The following TRIP12 variants were observed in gnomAD, a reference collection of about 807,000 sequenced individuals.
TRIP12 encodes thyroid hormone receptor interactor 12, also known as E3 ubiquitin-protein ligase TRIP12.
TRIP12 carries 25 observed loss-of-function variants against 244.2 expected under a neutral mutation model. The ratio of observed to expected loss-of-function variants is 0.10; its 90% confidence interval spans 0.07 to 0.14. The LOEUF is 0.14. Among genes scored for constraint, TRIP12 ranks in the 10% least tolerant of loss-of-function variants. The pLI, the probability that TRIP12 is intolerant of heterozygous loss-of-function variation, is 1.00. For missense variants in TRIP12, 1,677 were observed against 2,486.4 expected, an observed-to-expected ratio of 0.67 and a Z score of 6.92; for synonymous variants, 905 against 873.1, an observed-to-expected ratio of 1.04 and a Z score of -0.64.
At chr2:229,861,912 G>A (rs2060540425) in intron 2 of TRIP12, among the ~76,000 whole-genome samples, 2 of 151,868 alleles carry the variant, frequency 1.3e-5, no homozygotes, top group Admixed American at 6.6e-5. Flanking sequence ...CAAAACTCTA[G>A]GTGAGCCTTT....
Position 229,835,335 on chromosome 2 carries a change from G to A in TRIP12, c.1270+1513C>T, listed in dbSNP as rs576341983. ...CCTGGAACTGTTTAGAAAGGCAGTCGGATGAGCCTGATTCCTGTATGCTTT... is the reference window on the plus strand; with the variant it reads ...CCTGGAACTGTTTAGAAAGGCAGTCAGATGAGCCTGATTCCTGTATGCTTT... On this transcript the variant is annotated intron_variant, in intron 6 of 41. Transcript: ENST00000675903. Among the ~76,000 whole-genome samples the A allele has an allele frequency of 2.6e-3, 399 of 152,288 alleles. 2 individuals carry two copies. Among genetic ancestry groups the A allele is most frequent in the African/African-American group, 9.2e-3 (382 of 41,552 alleles).
chr2:229,850,911 G>A (rs369059716), intron 4 of TRIP12, among the ~76,000 whole-genome samples: 7 of 152,220 alleles, frequency 4.6e-5, no homozygotes, highest in East Asian at 1.9e-4. Context: ...CCAGACCACC[G>A]GCGCTGCACT....
intron 6 of TRIP12, among the ~76,000 whole-genome samples, chr2:229,833,413 G>T (rs2053955654): frequency 6.6e-6 from 1 of 152,086 alleles, no homozygotes; most frequent in African/African-American, 2.4e-5. Context: ...TCCGCCTCCT[G>T]AGTAGCTGGT....
chr2:229,814,404 A>G, intron 11 of TRIP12, 79 bp from the exon 12 acceptor site: 2 of 1,396,836 alleles, frequency 1.4e-6, no homozygotes, highest in Non-Finnish European at 2.0e-6. Flanking sequence ...TATTTTCTCT[A>G]ATTTACATCC....
At chr2:229,780,387 G>A (rs996407923) in intron 34 of TRIP12, among the ~76,000 whole-genome samples, 6 of 152,176 alleles carry the variant, frequency 3.9e-5, no homozygotes, top group Admixed American at 3.9e-4. Flanking sequence ...CCTCCTAGAT[G>A]GTCTCTGCAC....
chr2:229,818,373 A>C lies in TRIP12; in HGVS notation c.1590T>G (p.Val530=). Residue 530 remains valine (V), a synonymous_variant, in exon 9 of 42, where the codon GTT becomes GTG. Transcript: ENST00000675903. ...AAAACATTATGCTTACCAAAGCTGGAACAACACTCTTGACAGGAAACCCTC... is the reference window on the plus strand; with the variant it reads ...AAAACATTATGCTTACCAAAGCTGGCACAACACTCTTGACAGGAAACCCTC... ...TLGGFPVKSV[V]PALITLLQME... 2 of 1,613,802 alleles carry C rather than the reference A, an allele frequency of 1.2e-6. No individual in the cohort carries two copies. The highest frequency in any genetic ancestry group is 1.7e-6 in the Non-Finnish European group (2 of 1,179,912).
chr2:229,871,319 A>G (rs1404428031), intron 2 of TRIP12, among the ~76,000 whole-genome samples: 1 of 152,228 alleles, frequency 6.6e-6, no homozygotes, highest in Admixed American at 6.5e-5. Context: ...ATTAAAAGAC[A>G]TTAGTAATAT....
intron 20 of TRIP12, 118 bp downstream of exon 20, chr2:229,803,453 A>G: frequency 1.5e-6 from 1 of 676,498 alleles, no homozygotes; most frequent in African/African-American, 1.9e-5. Context: ...ATAAGCTAAC[A>G]GAGCTTTAAA....
rs753842954 is a variant in TRIP12, at chr2:229,840,198, CTG to C, written c.1133+622_1133+623del. ...GAAGTATATTTGGCAGACGAGAACT[CTG>C]TAAACAGTCAAAGGTCCTGCTACTG... On this transcript the variant is annotated intron_variant, in intron 5 of 41. Coordinates refer to ENST00000675903, the MANE Select transcript of TRIP12 (RefSeq NM_001348323.3). 2.6e-5 allele frequency among the ~76,000 whole-genome samples: 4 copies of C among 152,312 alleles called. No individual in the cohort carries two copies. In the East Asian group the frequency reaches 7.7e-4, roughly 29 times the overall value.
At chr2:229,894,793 G>A (rs533242273) in intron 1 of TRIP12, among the ~76,000 whole-genome samples, 8 of 152,218 alleles carry the variant, frequency 5.3e-5, no homozygotes, top group Non-Finnish European at 1.0e-4. Context: ...ATTACCTATG[G>A]ATCTTGTTAA....
chr2:229,813,896 A>G lies in TRIP12; in HGVS notation c.1960T>C (p.Leu654=). ...TGATGTGTTAGCCTTTGGGTTAGCAATGGGAGTGAATCTGCCACAAAATGA... is the reference window on the plus strand; with the variant it reads ...TGATGTGTTAGCCTTTGGGTTAGCAGTGGGAGTGAATCTGCCACAAAATGA... The part of the protein sequence containing the change: ...EFHFVADSLP[L]LTQRLTHQDK... Residue 654 remains leucine, a synonymous_variant, in exon 13 of 42, where the codon TTG becomes CTG. Transcript: ENST00000675903. 1.3e-6 allele frequency: 2 copies of G among 1,572,320 alleles called. No homozygotes were observed.
chr2:229,782,653 T>A (rs2038634633), intron 34 of TRIP12, among the ~76,000 whole-genome samples: 1 of 152,174 alleles, frequency 6.6e-6, no homozygotes, highest in Non-Finnish European at 1.5e-5. Flanking sequence ...TACTCTTAGC[T>A]TTTTAAAAGT....
chr2:229,916,219 C>T lies in TRIP12; in HGVS notation c.-50+5661G>A, dbSNP rs550777631. On this transcript the variant is annotated intron_variant, in intron 1 of 41. Coordinates refer to ENST00000675903, the MANE Select transcript of TRIP12 (RefSeq NM_001348323.3). ...TTTTTCAGATTAGGCACTTGAAGCTCACAAAGTACTAAGTTAAATTATTTG... is the reference window on the plus strand; with the variant it reads ...TTTTTCAGATTAGGCACTTGAAGCTTACAAAGTACTAAGTTAAATTATTTG... Among the ~76,000 whole-genome samples the T allele has an allele frequency of 2.6e-5, 4 of 152,288 alleles. No individual in the cohort carries two copies. In the South Asian group the frequency reaches 8.3e-4, roughly 32 times the overall value.
intron 38 of TRIP12, among the ~76,000 whole-genome samples, chr2:229,773,080 CTT>C (rs35282953): frequency 2.4e-4 from 35 of 145,708 alleles, no homozygotes; most frequent in Non-Finnish European, 2.6e-4. Context: ...TATATACATG[CTT>C]TTTTTTTTTT....
rs533585070 is a variant in TRIP12 at position 229,802,465 on chromosome 2, T to C, written c.2999-6A>G. 2 of 1,606,202 alleles carry C rather than the reference T, an allele frequency of 1.2e-6. No individual in the cohort carries two copies. The highest frequency in any genetic ancestry group is 4.5e-5 in the East Asian group (2 of 44,644). On this transcript the variant is annotated splice_region_variant and splice_polypyrimidine_tract_variant and intron_variant, in intron 20 of 41. Coordinates refer to ENST00000675903, the MANE Select transcript of TRIP12 (RefSeq NM_001348323.3). ...TTTTACTTGATGCATTACACCTTTA[T>C]AATAACAGAGATGAAAGGGAGTCAG...
At chr2:229,842,545 GA>G (rs535266230) in intron 4 of TRIP12, among the ~76,000 whole-genome samples, 168 of 152,038 alleles carry the variant, frequency 1.1e-3, no homozygotes, top group Middle Eastern at 3.4e-3. Flanking sequence ...AGTTTAGAGA[GA>G]AAAAAATGCA....
intron 1 of TRIP12, among the ~76,000 whole-genome samples, chr2:229,916,744 C>T (rs2075464260): frequency 6.6e-6 from 1 of 151,858 alleles, no homozygotes; most frequent in South Asian, 2.1e-4. Flanking sequence ...ACTGAACAGA[C>T]TTATTTCAGT....
chr2:229,920,063 A>G (rs1166579084), intron 1 of TRIP12, among the ~76,000 whole-genome samples: 1 of 151,232 alleles, frequency 6.6e-6, no homozygotes, highest in Non-Finnish European at 1.5e-5. Flanking sequence ...CCATTCCTCA[A>G]CCCCCCCGGG....
rs1291286606 is a variant in TRIP12, at chr2:229,860,447, A to C, written c.183T>G (p.Ser61=). The C allele has an allele frequency of 6.2e-6, 10 of 1,612,068 alleles. No individual in the cohort carries two copies. The highest frequency in any genetic ancestry group is 3.3e-4 in the Middle Eastern group (2 of 6,056). The part of the protein sequence containing the change: ...KSNSKAPKVQ[S]NTTSELSRGH... ...CCCTTGACAGTTCAGAAGTAGTATTAGACTGCACTTTGGGTGCCTTAGAAT... is the reference window on the plus strand; with the variant it reads ...CCCTTGACAGTTCAGAAGTAGTATTCGACTGCACTTTGGGTGCCTTAGAAT... The change falls in exon 3 of 42, where the codon TCT becomes TCG. Residue 61 remains serine (S), a synonymous_variant. Coordinates refer to ENST00000675903, the MANE Select transcript of TRIP12 (RefSeq NM_001348323.3).
Sources: allele counts gnomAD v4.1 joint callset (sites outside exome capture counted in the v4.1 genomes callset), GRCh38; gene constraint gnomAD v4.1.1; transcripts MANE v1.5; gene names NCBI Gene and HGNC (gene_info 2026-07-23, HGNC 2026-07-21).